The following HIBADH variants were observed in gnomAD, a reference collection of about 807,000 sequenced individuals.
HIBADH encodes the protein 3-hydroxyisobutyrate dehydrogenase, mitochondrial.
A neutral mutation model predicts 36.1 loss-of-function variants in HIBADH; 25 were observed. That is an observed-to-expected ratio of 0.69 (90% CI 0.50 to 0.97). The LOEUF (loss-of-function observed/expected upper bound fraction) is 0.97, where lower values mean the gene tolerates loss of function less well. HIBADH is among the 50% of genes least tolerant of loss of function. The pLI is 0.00. For synonymous variants in HIBADH, 160 were observed against 149.5 expected (o/e 1.07, Z -0.51); for missense variants, 421 against 418.0 (o/e 1.01, Z -0.06).
chr7:27,602,859 A>G (rs1583591592), intron 4 of HIBADH, among the ~76,000 whole-genome samples: 1 of 152,086 alleles, frequency 6.6e-6, no homozygotes, highest in African/African-American at 2.4e-5. Flanking sequence ...AAAATCCACT[A>G]ATAGATTATA....
intron 4 of HIBADH, among the ~76,000 whole-genome samples, chr7:27,627,551 T>C (rs1176399845): frequency 1.3e-5 from 2 of 152,220 alleles, no homozygotes; most frequent in Non-Finnish European, 2.9e-5. Flanking sequence ...AACCTAGTGG[T>C]CCTATAACAC....
In HIBADH at chr7:27,629,365, A is replaced by G; in HGVS notation, c.484+6T>C. The stretch of plus-strand genomic sequence containing the variant: ...TAGGTTTGCATATATTTTAGCTACC[A>G]CTTACCACCAGAAACAGGGGCATCC... On this transcript the variant is annotated splice_donor_region_variant and intron_variant, in intron 4 of 7. Transcript: ENST00000265395. The G allele has an allele frequency of 6.2e-7, 1 of 1,608,780 alleles. No homozygotes were observed. The highest frequency in any genetic ancestry group is 8.5e-7 in the Non-Finnish European group (1 of 1,177,624).
At chr7:27,540,709 C>G (rs934022356) in intron 5 of HIBADH, among the ~76,000 whole-genome samples, 2 of 152,150 alleles carry the variant, frequency 1.3e-5, no homozygotes, top group Admixed American at 1.3e-4. Flanking sequence ...TCCTTATGAT[C>G]CCCTACTCTA....
intron 4 of HIBADH, among the ~76,000 whole-genome samples, chr7:27,621,940 A>G (rs1462130580): frequency 6.6e-6 from 1 of 152,094 alleles, no homozygotes; most frequent in Non-Finnish European, 1.5e-5. Context: ...TGACTAAGAA[A>G]TTAAGATGAA....
rs75677862 is a variant in HIBADH at position 27,598,965 on chromosome 7, A to G, written c.484+30406T>C. Among the ~76,000 whole-genome samples the G allele has an allele frequency of 4.7e-3, 718 of 152,190 alleles. 13 individuals carry two copies. Among genetic ancestry groups the G allele is most frequent in the African/African-American group, 0.016 (680 of 41,508 alleles). On this transcript the variant is annotated intron_variant, in intron 4 of 7. Transcript: ENST00000265395. The stretch of plus-strand genomic sequence containing the variant: ...GTACTGAGTGAGCACTGAAAAAAAA[A>G]AGAAAAAGTATGACCACCAAGAGGC...
intron 2 of HIBADH, among the ~76,000 whole-genome samples, chr7:27,645,385 T>G (rs1270276576): frequency 1.5e-5 from 2 of 131,826 alleles, no homozygotes; most frequent in African/African-American, 3.0e-5. Context: ...TTTTTTTTTT[T>G]TTTTTTTTTT....
In HIBADH at chr7:27,525,753, A is replaced by G. The variant is rs1290894634; in HGVS notation, c.*461T>C. 6.6e-6 allele frequency: 1 copy of G among 152,344 alleles called. No individual in the cohort carries two copies. Among genetic ancestry groups the G allele is most frequent in the South Asian group, 2.1e-4 (1 of 4,834 alleles). The allele number at this position is 152,344 out of a possible 1,614,324, so 9.4% of individuals were successfully genotyped here. ...CAGTAACCCTGGTAGTGCAGTAACCATTTGGTTAACAGGACAAACTTCCTG... is the reference window on the plus strand; with the variant it reads ...CAGTAACCCTGGTAGTGCAGTAACCGTTTGGTTAACAGGACAAACTTCCTG... On this transcript the variant is annotated 3_prime_UTR_variant, in exon 8 of 8. Transcript: ENST00000265395.
intron 4 of HIBADH, among the ~76,000 whole-genome samples, chr7:27,557,962 A>G (rs1011211856): frequency 2.6e-5 from 4 of 152,202 alleles, no homozygotes; most frequent in Admixed American, 2.0e-4. Context: ...TGGTCGTTGG[A>G]AGTTTACTCA....
chr7:27,591,950 C>T (rs966978210), intron 4 of HIBADH, among the ~76,000 whole-genome samples: 1 of 152,192 alleles, frequency 6.6e-6, no homozygotes, highest in East Asian at 1.9e-4. Context: ...CATCTCTTCC[C>T]ACTTTCCTCT....
chr7:27,538,908 A>G (rs772773988), intron 5 of HIBADH, among the ~76,000 whole-genome samples: 5 of 152,134 alleles, frequency 3.3e-5, no homozygotes, highest in African/African-American at 7.2e-5. Context: ...AACAGACAAG[A>G]AAGAGAAAGA....
chr7:27,614,928 T>C (rs894119181), intron 4 of HIBADH, among the ~76,000 whole-genome samples: 1 of 152,148 alleles, frequency 6.6e-6, no homozygotes, highest in African/African-American at 2.4e-5. Context: ...CCTAACCTAA[T>C]AGGACTGATC....
At chr7:27,542,439 T>TG in intron 5 of HIBADH, among the ~76,000 whole-genome samples, 1 of 10,970 alleles carries the variant, frequency 9.1e-5, no homozygotes, top group African/African-American at 8.5e-4. Flanking sequence ...TTTTTTCCCG[T>TG]TTTTTTTTTT....
intron 4 of HIBADH, among the ~76,000 whole-genome samples, chr7:27,564,900 T>C (rs376153023): frequency 2.0e-5 from 3 of 152,250 alleles, no homozygotes; most frequent in Non-Finnish European, 4.4e-5. Context: ...ATGTTTTAAA[T>C]GTCAGTTACC....
At chr7:27,530,771 A>G (rs1783984740) in intron 7 of HIBADH, among the ~76,000 whole-genome samples, 1 of 152,320 alleles carries the variant, frequency 6.6e-6, no homozygotes, top group African/African-American at 2.4e-5. Context: ...TTGGAAATCT[A>G]TTATCAATGG....
chr7:27,533,562 C>A (rs889816148), intron 6 of HIBADH, among the ~76,000 whole-genome samples: 14 of 152,118 alleles, frequency 9.2e-5, no homozygotes, highest in Non-Finnish European at 1.5e-4. Flanking sequence ...CGTTCTCTGG[C>A]ACATACATAA....
At chr7:27,560,632 G>C (rs1440706444) in intron 4 of HIBADH, among the ~76,000 whole-genome samples, 1 of 152,088 alleles carries the variant, frequency 6.6e-6, no homozygotes. Flanking sequence ...TTCTTAAAAA[G>C]AGCAAAGAGC....
At chr7:27,528,997 A>C (rs2128182628) in intron 7 of HIBADH, among the ~76,000 whole-genome samples, 1 of 152,338 alleles carries the variant, frequency 6.6e-6, no homozygotes, top group African/African-American at 2.4e-5. Flanking sequence ...AATTATGCTG[A>C]ATCTACTCTG....
intron 5 of HIBADH, among the ~76,000 whole-genome samples, chr7:27,540,536 G>A (rs1044945320): frequency 6.6e-6 from 1 of 152,168 alleles, no homozygotes; most frequent in Non-Finnish European, 1.5e-5. Context: ...GTTTTTTCCA[G>A]CAGGAATTTA....
rs145875890 is a variant in HIBADH, at chr7:27,601,661, A to G, written c.484+27710T>C. On this transcript the variant is annotated intron_variant, in intron 4 of 7. Transcript: ENST00000265395. ...ATACGTAAAGCTGTCCTGTGTACTC[A>G]TATTATGATTAATAACTAAATAAGG... 2.9e-3 allele frequency among the ~76,000 whole-genome samples: 435 copies of G among 152,226 alleles called. 1 individual carries two copies. Among genetic ancestry groups the G allele is most frequent in the Non-Finnish European group, 4.9e-3 (334 of 67,938 alleles).
Sources: gnomAD v4.1 joint callset for allele counts (sites outside exome capture counted in the v4.1 genomes callset) on GRCh38, gnomAD v4.1.1 for gene constraint, MANE v1.5 for transcripts, NCBI Gene and HGNC (gene_info 2026-07-23, HGNC 2026-07-21) for gene names.